Variants in KCNK13 observed in about 807,000 individuals in gnomAD.
KCNK13 encodes potassium channel subfamily K member 13.
A neutral mutation model predicts 23.4 loss-of-function variants in KCNK13; 12 were observed. The observed-to-expected ratio is 0.51, with a 90% CI of 0.33 to 0.83. The LOEUF (loss-of-function observed/expected upper bound fraction) is 0.83, where lower values mean the gene tolerates loss of function less well. Ranked by LOEUF, KCNK13 falls within the 40% of genes least tolerant of loss-of-function variation. KCNK13 has a pLI of 0.02. For missense variants in KCNK13, 463 were observed against 556.3 expected (o/e 0.83, Z 1.69); for synonymous variants, 231 against 229.5 (o/e 1.01, Z -0.06).
At chr14:90,157,635 G>T (rs1302748494) in intron 1 of KCNK13, among the ~76,000 whole-genome samples, 2 of 150,386 alleles carry the variant, frequency 1.3e-5, no homozygotes, top group African/African-American at 2.5e-5. Context: ...GGACTCAAGT[G>T]ATCCTGCCTT....
chr14:90,064,075 G>A (rs1027200764), intron 1 of KCNK13, among the ~76,000 whole-genome samples: 10 of 152,182 alleles, frequency 6.6e-5, no homozygotes, highest in African/African-American at 2.4e-4. Context: ...CACACTATCT[G>A]CTGGACTCTT....
intron 1 of KCNK13, among the ~76,000 whole-genome samples, chr14:90,121,152 A>G (rs1229476554): frequency 6.6e-6 from 1 of 152,230 alleles, no homozygotes; most frequent in Non-Finnish European, 1.5e-5. Context: ...CTGGCTCACT[A>G]CTGAGGTAGG....
chr14:90,063,090 C>G (rs1396347280), intron 1 of KCNK13, among the ~76,000 whole-genome samples: 1 of 151,984 alleles, frequency 6.6e-6, no homozygotes, highest in Non-Finnish European at 1.5e-5. Flanking sequence ...AAATTTTCCA[C>G]CAGGAAGAAC....
At chr14:90,101,763 C>T (rs1889480001) in intron 1 of KCNK13, among the ~76,000 whole-genome samples, 1 of 112,340 alleles carries the variant, frequency 8.9e-6, no homozygotes, top group South Asian at 3.2e-4. Context: ...GCACTCCAGC[C>T]TGGGCAACAG....
chr14:90,136,439 C>T (rs896113382), intron 1 of KCNK13, among the ~76,000 whole-genome samples: 1 of 151,734 alleles, frequency 6.6e-6, no homozygotes, highest in East Asian at 1.9e-4. Flanking sequence ...TTAATAAGGA[C>T]CCCAAGGAAG....
intron 1 of KCNK13, among the ~76,000 whole-genome samples, chr14:90,064,228 C>T (rs1888981255): frequency 6.6e-6 from 1 of 152,070 alleles, no homozygotes; most frequent in African/African-American, 2.4e-5. Flanking sequence ...ACTGTGTTTG[C>T]ATAGCAAGTA....
In KCNK13 at chr14:90,161,684, G is replaced by A. The variant is rs554533440; in HGVS notation, c.335-22427G>A. On this transcript the variant is annotated intron_variant, in intron 1 of 1. Coordinates refer to ENST00000282146, the MANE Select transcript of KCNK13 (RefSeq NM_022054.4). ...TGGAAAAACTCGGTTTGGTAAGGAT[G>A]TCATTTCTCCACAAATGAATCTCTA... 4.8e-4 allele frequency among the ~76,000 whole-genome samples: 73 copies of A among 152,310 alleles called. 1 individual carries two copies. The highest frequency in any genetic ancestry group is 3.4e-3 in the Middle Eastern group (1 of 294).
chr14:90,134,653 A>G (rs987092135), intron 1 of KCNK13, among the ~76,000 whole-genome samples: 17 of 152,338 alleles, frequency 1.1e-4, no homozygotes, highest in Middle Eastern at 3.4e-3. Flanking sequence ...GGATAATCGT[A>G]TGATAGATTA....
At position 90,080,007 on chromosome 14, in the gene KCNK13, C is replaced by G. The variant is rs560820186; in HGVS notation, c.334+17468C>G. Among the ~76,000 whole-genome samples the G allele has an allele frequency of 1.5e-3, 228 of 152,298 alleles. 1 individual carries two copies. Among genetic ancestry groups the G allele is most frequent in the African/African-American group, 5.3e-3 (222 of 41,548 alleles). Reference sequence around the variant, plus strand: ...GGGAGAGAAGGAGGGAGGGTTGTCCCTGGACACACACTAGTGAGAGTCACT... The same window carrying G: ...GGGAGAGAAGGAGGGAGGGTTGTCCGTGGACACACACTAGTGAGAGTCACT... On this transcript the variant is annotated intron_variant, in intron 1 of 1. Transcript: ENST00000282146.
At chr14:90,102,642 G>A (rs1414896407) in intron 1 of KCNK13, among the ~76,000 whole-genome samples, 1 of 152,186 alleles carries the variant, frequency 6.6e-6, no homozygotes, top group Non-Finnish European at 1.5e-5. Flanking sequence ...CCTTTGGGAA[G>A]TGCTTTTCCG....
At chr14:90,169,099 C>T (rs1321889019) in intron 1 of KCNK13, among the ~76,000 whole-genome samples, 4 of 152,130 alleles carry the variant, frequency 2.6e-5, no homozygotes, top group Non-Finnish European at 4.4e-5. Flanking sequence ...TGAGAACAGA[C>T]TAATAATACA....
intron 1 of KCNK13, among the ~76,000 whole-genome samples, chr14:90,152,303 A>T (rs1265529186): frequency 2.6e-5 from 4 of 152,206 alleles, no homozygotes; most frequent in Non-Finnish European, 5.9e-5. Flanking sequence ...TGGGAGGCTG[A>T]GGCAGGCGGA....
intron 1 of KCNK13, among the ~76,000 whole-genome samples, chr14:90,077,938 G>A (rs1489733723): frequency 6.6e-6 from 1 of 152,088 alleles, no homozygotes; most frequent in Non-Finnish European, 1.5e-5. Flanking sequence ...ACTGAACTTA[G>A]GCTACATTTA....
At chr14:90,084,135 A>C (rs1889245175) in intron 1 of KCNK13, among the ~76,000 whole-genome samples, 2 of 152,096 alleles carry the variant, frequency 1.3e-5, no homozygotes, top group Non-Finnish European at 2.9e-5. Flanking sequence ...TTTTCCCCCA[A>C]GATTGTTTTG....
intron 1 of KCNK13, among the ~76,000 whole-genome samples, chr14:90,119,070 C>T (rs1187376321): frequency 6.6e-6 from 1 of 152,174 alleles, no homozygotes. Context: ...TGGACACATA[C>T]ATCCTCCTAA....
intron 1 of KCNK13, among the ~76,000 whole-genome samples, chr14:90,179,614 C>A (rs1487155585): frequency 6.6e-6 from 1 of 152,180 alleles, no homozygotes; most frequent in Non-Finnish European, 1.5e-5. Context: ...GGCCTCCAAG[C>A]CAATCTCATT....
intron 1 of KCNK13, among the ~76,000 whole-genome samples, chr14:90,101,600 G>A (rs186755479): frequency 6.6e-6 from 1 of 151,382 alleles, no homozygotes; most frequent in Admixed American, 6.6e-5. Context: ...ACCACCCTGC[G>A]CAACATGGTG....
chr14:90,113,819 G>A lies in KCNK13; in HGVS notation c.334+51280G>A, dbSNP rs150469651. On this transcript the variant is annotated intron_variant, in intron 1 of 1. Coordinates refer to ENST00000282146, the MANE Select transcript of KCNK13 (RefSeq NM_022054.4). ...ATGGTGGCATGTGCCTGTAGTCCCAGCTACTTGGGAGGCTGAGGCAGGAGA... is the reference window on the plus strand; with the variant it reads ...ATGGTGGCATGTGCCTGTAGTCCCAACTACTTGGGAGGCTGAGGCAGGAGA... 3.9e-5 allele frequency among the ~76,000 whole-genome samples: 6 copies of A among 152,242 alleles called. No homozygotes were observed. In the East Asian group the frequency reaches 1.2e-3, roughly 29 times the overall value.
rs1401470728 is a variant in KCNK13, at chr14:90,099,991, T to G, written c.334+37452T>G. Among the ~76,000 whole-genome samples the G allele has an allele frequency of 3.3e-5, 5 of 152,338 alleles. No homozygotes were observed. The East Asian group carries it at 9.6e-4, about 29-fold the overall frequency. On this transcript the variant is annotated intron_variant, in intron 1 of 1. Transcript: ENST00000282146. Reference sequence around the variant, plus strand: ...AACTAACCACGCAGCTCTGGACTCTTCTGAAGCTGCTGTTCTGTTTGCACA... The same window carrying G: ...AACTAACCACGCAGCTCTGGACTCTGCTGAAGCTGCTGTTCTGTTTGCACA...
Sources: gnomAD v4.1 joint callset for allele counts (sites outside exome capture counted in the v4.1 genomes callset) on GRCh38, gnomAD v4.1.1 for gene constraint, MANE v1.5 for transcripts, NCBI Gene and HGNC (gene_info 2026-07-23, HGNC 2026-07-21) for gene names.